The following MPP7 variants were observed in gnomAD, a reference collection of about 807,000 sequenced individuals.
The protein encoded by MPP7 is MAGUK p55 subfamily member 7.
Under a neutral mutation model 76.5 loss-of-function variants are expected in MPP7, and 60 were observed. That is an observed-to-expected ratio of 0.78 (90% confidence interval 0.64 to 0.97). The LOEUF is 0.97. Among genes scored for constraint, MPP7 ranks in the 50% least tolerant of loss-of-function variants. The probability of loss-of-function intolerance (pLI) is 0.00; values close to 1 mark genes in which losing one functional copy is unlikely to be tolerated. For synonymous variants in MPP7, 237 were observed against 244.5 expected, an observed-to-expected ratio of 0.97 and a Z score of 0.29; for missense variants, 641 against 694.0, an observed-to-expected ratio of 0.92 and a Z score of 0.86.
chr10:28,185,097 G>C (rs892416957), intron 3 of MPP7, among the ~76,000 whole-genome samples: 1 of 147,922 alleles, frequency 6.8e-6, no homozygotes, highest in African/African-American at 2.5e-5. Flanking sequence ...GGGAGGCTGA[G>C]GCAGGTGGAT....
intron 1 of MPP7, among the ~76,000 whole-genome samples, chr10:28,278,697 A>C (rs561795312): frequency 6.6e-6 from 1 of 152,198 alleles, no homozygotes; most frequent in East Asian, 1.9e-4. Flanking sequence ...TAAATTTAGA[A>C]AAAGATAAAA....
At chr10:28,198,082 T>C (rs1837646570) in intron 3 of MPP7, among the ~76,000 whole-genome samples, 1 of 152,152 alleles carries the variant, frequency 6.6e-6, no homozygotes, top group African/African-American at 2.4e-5. Context: ...TACTTCAAAA[T>C]ACCAAAAAGA....
chr10:28,174,564 G>A (rs1836795320), intron 3 of MPP7, among the ~76,000 whole-genome samples: 1 of 152,188 alleles, frequency 6.6e-6, no homozygotes, highest in Non-Finnish European at 1.5e-5. Flanking sequence ...CTGCAGAACT[G>A]TGAGCCAAAC....
chr10:28,116,541 C>T (rs2133589353), intron 11 of MPP7, among the ~76,000 whole-genome samples: 1 of 152,138 alleles, frequency 6.6e-6, no homozygotes, highest in Non-Finnish European at 1.5e-5. Flanking sequence ...TTGAGGCCTG[C>T]TTTTCTCTCT....
At chr10:28,179,426 AT>A (rs1244258249) in intron 3 of MPP7, among the ~76,000 whole-genome samples, 9 of 152,294 alleles carry the variant, frequency 5.9e-5, no homozygotes, top group Non-Finnish European at 1.0e-4. Context: ...TTGCATCCCC[AT>A]CATCTAACAC....
chr10:28,227,373 G>A (rs570496818), intron 2 of MPP7, among the ~76,000 whole-genome samples: 8 of 152,192 alleles, frequency 5.3e-5, no homozygotes, highest in South Asian at 2.1e-4. Flanking sequence ...ATAGGTAAAC[G>A]TGTGCCATGG....
At chr10:28,180,985 T>C (rs1339794370) in intron 3 of MPP7, among the ~76,000 whole-genome samples, 1 of 152,194 alleles carries the variant, frequency 6.6e-6, no homozygotes, top group African/African-American at 2.4e-5. Context: ...TACGGATGGA[T>C]GGATGGATGA....
At chr10:28,298,527 C>T (rs1041042327) in intron 1 of MPP7, among the ~76,000 whole-genome samples, 1 of 152,192 alleles carries the variant, frequency 6.6e-6, no homozygotes, top group Non-Finnish European at 1.5e-5. Context: ...AACAGATGTA[C>T]TGTCATCCAG....
chr10:28,300,003 G>A (rs554302388), intron 1 of MPP7, among the ~76,000 whole-genome samples: 11 of 152,100 alleles, frequency 7.2e-5, no homozygotes, highest in African/African-American at 2.7e-4. Context: ...TCCTGACCTT[G>A]TGATCCGCCC....
Position 28,053,050 on chromosome 10 carries a change from G to C in MPP7, c.*1015C>G, listed in dbSNP as rs1851418824. On this transcript the variant is annotated 3_prime_UTR_variant, in exon 17 of 17. Transcript: ENST00000683449. ...TCTGGACAGTGTTAACAAGCATTTT[G>C]ATGACAAAGAAATAACATCACATGA... 6.6e-6 allele frequency: 1 copy of C among 152,086 alleles called. No homozygotes were observed. Among genetic ancestry groups the C allele is most frequent in the African/African-American group, 2.4e-5 (1 of 41,424 alleles). 9.4% of individuals were successfully genotyped at this position (152,086 alleles called of 1,614,324 possible).
chr10:28,204,478 C>T (rs369686750), intron 2 of MPP7, among the ~76,000 whole-genome samples: 16 of 147,346 alleles, frequency 1.1e-4, no homozygotes, highest in South Asian at 2.2e-4. Context: ...GCACTAAATA[C>T]GCAAACACAC....
At chr10:28,108,790 G>C (rs1190441701) in intron 11 of MPP7, among the ~76,000 whole-genome samples, 1 of 152,124 alleles carries the variant, frequency 6.6e-6, no homozygotes, top group African/African-American at 2.4e-5. Flanking sequence ...AAATTTGAAG[G>C]TAAAATGTTG....
At chr10:28,162,385 C>T (rs549398860) in intron 3 of MPP7, among the ~76,000 whole-genome samples, 1 of 151,988 alleles carries the variant, frequency 6.6e-6, no homozygotes, top group Non-Finnish European at 1.5e-5. Flanking sequence ...GAGAAAAATG[C>T]CACCCACAGG....
intron 1 of MPP7, among the ~76,000 whole-genome samples, chr10:28,279,866 A>C (rs968415294): frequency 7.2e-5 from 11 of 152,088 alleles, no homozygotes; most frequent in African/African-American, 2.7e-4. Flanking sequence ...ACCATCAAAC[A>C]CAAGAAAAAT....
chr10:28,276,371 T>C (rs936335278), intron 1 of MPP7, among the ~76,000 whole-genome samples: 5 of 152,096 alleles, frequency 3.3e-5, no homozygotes, highest in Non-Finnish European at 5.9e-5. Context: ...CATTACCAAG[T>C]AGCAAGCTAT....
At chr10:28,287,927 C>T (rs1049784870) in intron 1 of MPP7, among the ~76,000 whole-genome samples, 1 of 152,106 alleles carries the variant, frequency 6.6e-6, no homozygotes, top group Non-Finnish European at 1.5e-5. Context: ...TAAGAAATGG[C>T]CACTTGCAGA....
At chr10:28,241,611 C>T (rs1187935804) in intron 1 of MPP7, among the ~76,000 whole-genome samples, 1 of 151,354 alleles carries the variant, frequency 6.6e-6, no homozygotes, top group Non-Finnish European at 1.5e-5. Context: ...TGTATGGAAT[C>T]GATTTACTAC....
chr10:28,075,924 C>A (rs540428406), intron 12 of MPP7, among the ~76,000 whole-genome samples: 1 of 152,100 alleles, frequency 6.6e-6, no homozygotes, highest in African/African-American at 2.4e-5. Flanking sequence ...AAATTGAAGG[C>A]CCTAGTTAGA....
At chr10:28,134,859 C>T (rs1346896921) in intron 5 of MPP7, among the ~76,000 whole-genome samples, 2 of 152,076 alleles carry the variant, frequency 1.3e-5, no homozygotes, top group East Asian at 1.9e-4. Flanking sequence ...CAGCAGTAGA[C>T]ACCAGAAGAC....
Sources: allele counts gnomAD v4.1 joint callset (sites outside exome capture counted in the v4.1 genomes callset), GRCh38; gene constraint gnomAD v4.1.1; transcripts MANE v1.5; gene names NCBI Gene and HGNC (gene_info 2026-07-23, HGNC 2026-07-21).